SUPT3H: variants seen among roughly 807,000 people sequenced by gnomAD.
SUPT3H encodes transcription initiation protein SPT3 homolog.
SUPT3H carries 44 observed loss-of-function variants against 44.3 expected under a neutral mutation model. The observed-to-expected ratio is 0.99, with a 90% CI of 0.78 to 1.28. The LOEUF is 1.28. Among genes scored for constraint, SUPT3H ranks in the 50% most tolerant of loss-of-function variants. The pLI is 0.00. For synonymous variants in SUPT3H, 124 were observed against 125.6 expected, an observed-to-expected ratio of 0.99 and a Z score of 0.09; for missense variants, 380 against 387.1, an observed-to-expected ratio of 0.98 and a Z score of 0.15.
At chr6:45,020,771 A>T in intron 3 of SUPT3H, 139 bp from the exon 4 acceptor site, 1 of 523,378 alleles carries the variant, frequency 1.9e-6, no homozygotes, top group Non-Finnish European at 3.3e-6. Context: ...TACTGCTTTT[A>T]AGAGTAAAAT....
At chr6:44,867,488 A>G (rs982562450) in intron 10 of SUPT3H, among the ~76,000 whole-genome samples, 4 of 152,190 alleles carry the variant, frequency 2.6e-5, no homozygotes, top group Non-Finnish European at 4.4e-5. Context: ...ATCTTCTACT[A>G]TAGATATGAT....
At chr6:45,080,883 C>A (rs577512559) in intron 3 of SUPT3H, among the ~76,000 whole-genome samples, 7 of 151,776 alleles carry the variant, frequency 4.6e-5, no homozygotes, top group Non-Finnish European at 1.0e-4. Context: ...TGACTACAAT[C>A]AATAATAATT....
chr6:45,265,996 T>G (rs949104381), intron 2 of SUPT3H, among the ~76,000 whole-genome samples: 2 of 152,108 alleles, frequency 1.3e-5, no homozygotes, highest in Non-Finnish European at 2.9e-5. Context: ...AACAGTTGCC[T>G]CACATTAGAA....
chr6:45,369,539 T>C (rs1212522812), intron 1 of SUPT3H, among the ~76,000 whole-genome samples: 3 of 152,110 alleles, frequency 2.0e-5, no homozygotes, highest in Non-Finnish European at 4.4e-5. Context: ...AATAAAAAGC[T>C]ATCATTTAGT....
intron 2 of SUPT3H, among the ~76,000 whole-genome samples, chr6:45,212,539 G>A (rs1171260616): frequency 7.6e-6 from 1 of 131,442 alleles, no homozygotes; most frequent in Non-Finnish European, 1.6e-5. Flanking sequence ...GTGTGTGTGT[G>A]TGTGTGTGTA....
At chr6:44,889,072 C>T (rs1194615994) in intron 10 of SUPT3H, among the ~76,000 whole-genome samples, 1 of 151,104 alleles carries the variant, frequency 6.6e-6, no homozygotes, top group Non-Finnish European at 1.5e-5. Context: ...ATGTGAAGGA[C>T]CTCTTCAAGG....
chr6:44,838,161 C>A (rs1770269036), intron 10 of SUPT3H, among the ~76,000 whole-genome samples: 1 of 152,210 alleles, frequency 6.6e-6, no homozygotes, highest in Non-Finnish European at 1.5e-5. Context: ...TCGGTAGCCA[C>A]CTGAGAAGAT....
rs145585803 is a variant in SUPT3H, at chr6:44,847,767, C to T, written c.913-17910G>A. Among the ~76,000 whole-genome samples, 41 of 151,772 alleles carry T rather than the reference C, an allele frequency of 2.7e-4. 2 individuals are homozygous for T. The highest frequency in any genetic ancestry group is 8.2e-4 in the African/African-American group (34 of 41,370). On this transcript the variant is annotated intron_variant, in intron 10 of 10. Transcript: ENST00000371459. ...CCTCCCAAAGTGCTGGGATTACAGG[C>T]GTGAGCCACCACACCCAGCCTATGG... is the stretch of plus-strand genomic sequence containing the variant.
At chr6:45,230,686 A>ATATATATATATATATATATATATTTT (rs796866510) in intron 2 of SUPT3H, among the ~76,000 whole-genome samples, 2 of 116,796 alleles carry the variant, frequency 1.7e-5, no homozygotes, top group African/African-American at 6.3e-5. Flanking sequence ...ATATATATAT[A>ATATATATATATATATATATATATTTT]TTTTTGAGAT....
chr6:45,212,451 T>C (rs1323167638), intron 2 of SUPT3H, among the ~76,000 whole-genome samples: 1 of 142,266 alleles, frequency 7.0e-6, no homozygotes, highest in Non-Finnish European at 1.5e-5. Flanking sequence ...TCCTCAGCCG[T>C]AGGTTCTGAA....
intron 2 of SUPT3H, among the ~76,000 whole-genome samples, chr6:45,266,737 G>A (rs1775327257): frequency 6.6e-6 from 1 of 151,880 alleles, no homozygotes; most frequent in African/African-American, 2.4e-5. Flanking sequence ...AAAACTCTGA[G>A]GCATAAAATG....
At chr6:45,069,531 G>GA (rs1354571161) in intron 3 of SUPT3H, among the ~76,000 whole-genome samples, 2 of 152,016 alleles carry the variant, frequency 1.3e-5, no homozygotes, top group Non-Finnish European at 2.9e-5. Context: ...TGTTTTGAGG[G>GA]AAAAAATGTA....
At chr6:44,922,396 T>C (rs550770373) in intron 10 of SUPT3H, among the ~76,000 whole-genome samples, 1 of 152,322 alleles carries the variant, frequency 6.6e-6, no homozygotes, top group East Asian at 1.9e-4. Context: ...GGGATTAACT[T>C]TGCAGCTACA....
At chr6:45,196,904 T>C (rs1816134524) in intron 2 of SUPT3H, among the ~76,000 whole-genome samples, 1 of 151,670 alleles carries the variant, frequency 6.6e-6, no homozygotes, top group South Asian at 2.1e-4. Context: ...TAAAACCCTG[T>C]CTTTATAAAA....
intron 3 of SUPT3H, among the ~76,000 whole-genome samples, chr6:45,077,275 GA>G (rs1450013410): frequency 6.6e-6 from 1 of 152,038 alleles, no homozygotes; most frequent in African/African-American, 2.4e-5. Flanking sequence ...TCTCTATTGA[GA>G]TAGAAGGCCT....
chr6:45,303,454 G>C (rs1355166454), intron 2 of SUPT3H, among the ~76,000 whole-genome samples: 2 of 152,012 alleles, frequency 1.3e-5, no homozygotes, highest in Non-Finnish European at 2.9e-5. Context: ...TCAAAAAGTG[G>C]GCTAAGGACA....
intron 2 of SUPT3H, among the ~76,000 whole-genome samples, chr6:45,256,060 A>T (rs1773335752): frequency 6.6e-6 from 1 of 152,092 alleles, no homozygotes; most frequent in South Asian, 2.1e-4. Flanking sequence ...AGTTCCAGCT[A>T]CTCAGGAGGC....
intron 10 of SUPT3H, among the ~76,000 whole-genome samples, chr6:44,832,310 T>G (rs986843792): frequency 2.0e-5 from 3 of 152,152 alleles, no homozygotes; most frequent in Non-Finnish European, 4.4e-5. Context: ...AGAGGCCACA[T>G]TCTCATGGAA....
intron 2 of SUPT3H, among the ~76,000 whole-genome samples, chr6:45,275,757 C>T (rs576439860): frequency 2.6e-5 from 4 of 152,172 alleles, no homozygotes; most frequent in East Asian, 1.9e-4. Context: ...TACTTAAATT[C>T]TCCACTCTAT....
Sources: gnomAD v4.1 joint callset for allele counts (sites outside exome capture counted in the v4.1 genomes callset) on GRCh38, gnomAD v4.1.1 for gene constraint, MANE v1.5 for transcripts, NCBI Gene and HGNC (gene_info 2026-07-23, HGNC 2026-07-21) for gene names.